LMBRD2: variants seen among roughly 807,000 people sequenced by gnomAD.
LMBRD2 encodes LMBR1 domain containing 2.
LMBRD2 carries 55 observed loss-of-function variants against 94.4 expected under a neutral mutation model. The observed-to-expected ratio is 0.58, with a 90% confidence interval of 0.47 to 0.73. The LOEUF (loss-of-function observed/expected upper bound fraction) is 0.73, where lower values mean the gene tolerates loss of function less well. LMBRD2 is among the 30% of genes least tolerant of loss of function. The pLI is 0.00. For missense variants in LMBRD2, 640 were observed against 831.9 expected (o/e 0.77, Z 2.84); for synonymous variants, 246 against 272.4 (o/e 0.90, Z 0.95).
rs1034988050 is a variant in LMBRD2 at position 36,100,565 on chromosome 5, TAAGAA to T, written c.*3476_*3480del. 2.6e-5 allele frequency: 4 copies of T among 151,980 alleles called. No homozygotes were observed. Among genetic ancestry groups the T allele is most frequent in the African/African-American group, 9.7e-5 (4 of 41,410 alleles). The allele number at this position is 151,980 out of a possible 1,614,324, so 9.4% of individuals were successfully genotyped here. ...AGGTATAAAGGAATGAGAGAGGACA[TAAGAA>T]AAGAAAGACAAAACCCTAAATCCAC... is the stretch of plus-strand genomic sequence containing the variant. On this transcript the variant is annotated 3_prime_UTR_variant, in exon 18 of 18. Coordinates refer to ENST00000296603, the MANE Select transcript of LMBRD2 (RefSeq NM_001007527.2).
intron 1 of LMBRD2, among the ~76,000 whole-genome samples, chr5:36,144,185 A>T (rs1028334289): frequency 2.6e-5 from 4 of 152,208 alleles, no homozygotes; most frequent in African/African-American, 9.6e-5. Context: ...TACTCAAAAA[A>T]GTTAGAGTAT....
At chr5:36,105,528 TTTGAG>T (rs1207469736) in intron 16 of LMBRD2, among the ~76,000 whole-genome samples, 1 of 152,106 alleles carries the variant, frequency 6.6e-6, no homozygotes, top group Non-Finnish European at 1.5e-5. Context: ...ACAAAAGTAG[TTTGAG>T]TTGGTTTTAC....
chr5:36,126,739 C>CAT (rs2111881554), intron 6 of LMBRD2, among the ~76,000 whole-genome samples: 1 of 151,840 alleles, frequency 6.6e-6, no homozygotes, highest in Admixed American at 6.5e-5. Flanking sequence ...AGAAACATAT[C>CAT]ATAAAAATAC....
Position 36,104,107 on chromosome 5 carries a change from C to G in LMBRD2, c.2028-1G>C. The stretch of plus-strand genomic sequence containing the variant: ...GAGATATCGTCCACCAGGCTGATAC[C>G]TAAAAAGGGAACATAAAGAAATGAT... On this transcript the variant is annotated splice_acceptor_variant, in intron 17 of 17. Transcript: ENST00000296603. LOFTEE classifies it high-confidence loss of function. 1 of 1,606,486 alleles carries G rather than the reference C, an allele frequency of 6.2e-7. No homozygotes were observed. The highest frequency in any genetic ancestry group is 8.5e-7 in the Non-Finnish European group (1 of 1,174,516).
At chr5:36,116,235 C>T (rs1743741938) in intron 11 of LMBRD2, among the ~76,000 whole-genome samples, 1 of 152,162 alleles carries the variant, frequency 6.6e-6, no homozygotes, top group Admixed American at 6.5e-5. Context: ...ACTAAGTATG[C>T]TTCTTCTGCC....
Position 36,116,528 on chromosome 5 carries a change from A to G in LMBRD2, c.1368T>C (p.Arg456=). Reference sequence around the variant, plus strand: ...AGGCCAAATAATAATAGTTAAATACACGAATCCTGAACACAGTAGAATAAA... The same window carrying G: ...AGGCCAAATAATAATAGTTAAATACGCGAATCCTGAACACAGTAGAATAAA... ...ICVYSTVFRI[R]VFNYYYLASH... The change falls in exon 11 of 18, where the codon CGT becomes CGC. Residue 456 remains arginine, a synonymous_variant. Transcript: ENST00000296603. 1.2e-6 allele frequency: 2 copies of G among 1,613,188 alleles called. No homozygotes were observed. The highest frequency in any genetic ancestry group is 4.5e-5 in the East Asian group (2 of 44,838).
chr5:36,123,499 A>G (rs1743934372), intron 7 of LMBRD2, among the ~76,000 whole-genome samples: 1 of 152,030 alleles, frequency 6.6e-6, no homozygotes, highest in Non-Finnish European at 1.5e-5. Flanking sequence ...TGATTCCATG[A>G]GTATTATCTT....
intron 16 of LMBRD2, among the ~76,000 whole-genome samples, chr5:36,107,252 G>A (rs1458441060): frequency 6.6e-6 from 1 of 152,044 alleles, no homozygotes; most frequent in Non-Finnish European, 1.5e-5. Context: ...CATGCACATT[G>A]TCCAACCTTT....
chr5:36,141,879 C>T (rs1038854762), intron 3 of LMBRD2, among the ~76,000 whole-genome samples: 4 of 151,984 alleles, frequency 2.6e-5, no homozygotes, highest in Non-Finnish European at 5.9e-5. Flanking sequence ...GGAAGTAACA[C>T]CTGCATTTTA....
intron 16 of LMBRD2, 44 bp from the exon 17 acceptor site, chr5:36,105,241 T>C: frequency 6.3e-7 from 1 of 1,593,422 alleles, no homozygotes; most frequent in Non-Finnish European, 8.6e-7. Flanking sequence ...TACTGTCTTT[T>C]AACTTATGGG....
intron 1 of LMBRD2, among the ~76,000 whole-genome samples, chr5:36,145,705 A>T (rs1744521814): frequency 6.6e-6 from 1 of 152,244 alleles, no homozygotes; most frequent in African/African-American, 2.4e-5. Context: ...ACTAGACCTG[A>T]AATTGTCCAG....
chr5:36,104,120 A>G lies in LMBRD2; in HGVS notation c.2028-14T>C. 2 of 1,600,402 alleles carry G rather than the reference A, an allele frequency of 1.2e-6. No individual in the cohort carries two copies. Among genetic ancestry groups the G allele is most frequent in the Non-Finnish European group, 1.7e-6 (2 of 1,168,596 alleles). On this transcript the variant is annotated splice_polypyrimidine_tract_variant and intron_variant, in intron 17 of 17. Transcript: ENST00000296603. ...CCAGGCTGATACCTAAAAAGGGAAC[A>G]TAAAGAAATGATCTGAGGCATCAAA...
chr5:36,122,993 T>A, intron 7 of LMBRD2, 32 bp from the exon 8 acceptor site: 1 of 1,445,700 alleles, frequency 6.9e-7, no homozygotes, highest in Non-Finnish European at 9.1e-7. Flanking sequence ...TTTTTAAAAA[T>A]CTTAATTGTA....
chr5:36,134,689 C>A (rs1297091691), intron 6 of LMBRD2, among the ~76,000 whole-genome samples: 3 of 152,092 alleles, frequency 2.0e-5, no homozygotes, highest in Non-Finnish European at 2.9e-5. Context: ...TTCCCTAGAA[C>A]CCTCAGAAGG....
chr5:36,110,020 G>A, intron 14 of LMBRD2, 29 bp from the exon 15 acceptor site: 2 of 1,556,138 alleles, frequency 1.3e-6, no homozygotes, highest in Non-Finnish European at 1.8e-6. Flanking sequence ...TCTCAAATAT[G>A]GCATAACATG....
At chr5:36,110,541 T>C (rs889235189) in intron 14 of LMBRD2, among the ~76,000 whole-genome samples, 10 of 152,144 alleles carry the variant, frequency 6.6e-5, no homozygotes, top group African/African-American at 2.4e-4. Flanking sequence ...CTGGCTTATT[T>C]TGGAGCTGCA....
At chr5:36,147,463 G>A (rs1744577071) in intron 1 of LMBRD2, among the ~76,000 whole-genome samples, 2 of 152,190 alleles carry the variant, frequency 1.3e-5, no homozygotes, top group African/African-American at 2.4e-5. Context: ...GATTATACTC[G>A]AAATCAAAAT....
Position 36,098,803 on chromosome 5 carries a change from A to T in LMBRD2, c.*5243T>A, listed in dbSNP as rs533332906. ...TTTCCAAGTACATATTTGAAAATGTAGTGAGAATCTACAGAGAAAAAAAAT... is the reference window on the plus strand; with the variant it reads ...TTTCCAAGTACATATTTGAAAATGTTGTGAGAATCTACAGAGAAAAAAAAT... On this transcript the variant is annotated 3_prime_UTR_variant, in exon 18 of 18. Transcript: ENST00000296603. The T allele has an allele frequency of 6.6e-6, 1 of 151,804 alleles. No homozygotes were observed. Among genetic ancestry groups the T allele is most frequent in the African/African-American group, 2.4e-5 (1 of 41,202 alleles). 9.4% of individuals were successfully genotyped at this position (151,804 alleles called of 1,614,324 possible). A position where few individuals can be genotyped will look rare whatever the true frequency, so the allele number is the denominator to read the frequency against.
chr5:36,106,805 C>T (rs1031214093), intron 16 of LMBRD2, among the ~76,000 whole-genome samples: 14 of 152,036 alleles, frequency 9.2e-5, no homozygotes, highest in African/African-American at 3.1e-4. Context: ...CAAATCCAAA[C>T]ATTGGAGAAT....
Sources: allele counts gnomAD v4.1 joint callset (sites outside exome capture counted in the v4.1 genomes callset), GRCh38; gene constraint gnomAD v4.1.1; transcripts MANE v1.5; gene names NCBI Gene and HGNC (gene_info 2026-07-23, HGNC 2026-07-21).